Variants in MAST4 observed in about 807,000 individuals in gnomAD.
MAST4 encodes microtubule-associated serine/threonine-protein kinase 4.
In MAST4, 89 loss-of-function variants were observed where a neutral mutation model predicts 162.7. The observed-to-expected ratio is 0.55, with a 90% CI of 0.46 to 0.65. The LOEUF is 0.65. Ranked by LOEUF, MAST4 falls within the 30% of genes least tolerant of loss-of-function variation. The pLI is 0.00. For missense variants in MAST4, 3,153 were observed against 3,374.0 expected, an observed-to-expected ratio of 0.93 and a Z score of 1.62; for synonymous variants, 1,479 against 1,361.1, an observed-to-expected ratio of 1.09 and a Z score of -1.91.
At chr5:66,961,785 G>T (rs1746050348) in intron 4 of MAST4, among the ~76,000 whole-genome samples, 1 of 152,132 alleles carries the variant, frequency 6.6e-6, no homozygotes, top group Admixed American at 6.5e-5. Flanking sequence ...ACTGTACATA[G>T]ACAAAATGAT....
At chr5:67,031,583 TAA>T (rs745443057) in intron 4 of MAST4, among the ~76,000 whole-genome samples, 21 of 152,302 alleles carry the variant, frequency 1.4e-4, no homozygotes, top group Admixed American at 5.2e-4. Context: ...CATTCAAAGT[TAA>T]ACACTGAAAA....
chr5:66,837,878 ATATATATATATATATAT>A (rs1758096606), intron 3 of MAST4, among the ~76,000 whole-genome samples: 1 of 50,442 alleles, frequency 2.0e-5, no homozygotes, highest in Admixed American at 2.2e-4. Context: ...ATATATATAT[ATATATATATATATATAT>A]TTTTTTTTTT....
intron 20 of MAST4, 29 bp downstream of exon 20, chr5:67,142,266 G>T: frequency 6.2e-7 from 1 of 1,609,062 alleles, no homozygotes; most frequent in Non-Finnish European, 8.5e-7. Flanking sequence ...ATAAAACATT[G>T]TTTGGCCTTT....
At chr5:66,688,955 A>G (rs1202454186) in intron 1 of MAST4, among the ~76,000 whole-genome samples, 2 of 152,172 alleles carry the variant, frequency 1.3e-5, no homozygotes, top group Non-Finnish European at 2.9e-5. Context: ...TACATTTACA[A>G]GTATGTCTCT....
chr5:66,655,619 G>A (rs1322120957), intron 1 of MAST4, among the ~76,000 whole-genome samples: 3 of 152,150 alleles, frequency 2.0e-5, no homozygotes, highest in African/African-American at 7.2e-5. Context: ...GGCTCCCTGA[G>A]GAGAGAATAC....
chr5:66,896,744 T>G (rs1017032759), intron 3 of MAST4, among the ~76,000 whole-genome samples: 1 of 152,208 alleles, frequency 6.6e-6, no homozygotes, highest in African/African-American at 2.4e-5. Flanking sequence ...TCCCCTGTCT[T>G]CATGAATGAG....
At chr5:66,922,192 G>A (rs138959704) in intron 4 of MAST4, among the ~76,000 whole-genome samples, 274 of 152,272 alleles carry the variant, frequency 1.8e-3, no homozygotes, top group Non-Finnish European at 3.4e-3. Context: ...TTCTGGGCTC[G>A]CTGTGGAAAT....
In MAST4 at chr5:67,153,586, G is replaced by A; in HGVS notation, c.3648+6G>A. On this transcript the variant is annotated splice_donor_region_variant and intron_variant, in intron 26 of 28. Transcript: ENST00000403625. ...TTATAGAACTCCTACTGAAGGTATT[G>A]TATGTTTTATGTCAGGGCCATGCTG... 1 of 1,571,106 alleles carries A rather than the reference G, an allele frequency of 6.4e-7. No homozygotes were observed. The highest frequency in any genetic ancestry group is 8.6e-7 in the Non-Finnish European group (1 of 1,157,880).
At chr5:66,693,888 C>CA (rs1181977454) in intron 1 of MAST4, among the ~76,000 whole-genome samples, 1 of 151,714 alleles carries the variant, frequency 6.6e-6, no homozygotes, top group Admixed American at 6.6e-5. Context: ...AGTGATCACA[C>CA]AAAAAAAGCT....
At chr5:66,665,099 G>A (rs754782946) in intron 1 of MAST4, among the ~76,000 whole-genome samples, 1 of 152,208 alleles carries the variant, frequency 6.6e-6, no homozygotes, top group Non-Finnish European at 1.5e-5. Flanking sequence ...CCTCAAAACC[G>A]ATTAAAGAGG....
rs531394465 is a variant in MAST4, at chr5:67,055,890, C to T, written c.763+1398C>T. On this transcript the variant is annotated intron_variant, in intron 5 of 28. Transcript: ENST00000403625. The stretch of plus-strand genomic sequence containing the variant: ...AAGAAGTGAACACTACTCAGATTTG[C>T]GTGGATGAAACTCAAATATATTGTT... Among the ~76,000 whole-genome samples, 54 of 151,926 alleles carry T rather than the reference C, an allele frequency of 3.6e-4. 1 individual carries two copies. The South Asian group carries it at 7.3e-3, about 20-fold the overall frequency.
At chr5:66,605,038 A>G (rs1042156135) in intron 1 of MAST4, among the ~76,000 whole-genome samples, 2 of 152,246 alleles carry the variant, frequency 1.3e-5, no homozygotes, top group African/African-American at 4.8e-5. Context: ...TTTGTGTATA[A>G]AAGTTCAACA....
intron 3 of MAST4, 43 bp downstream of exon 3, chr5:66,788,837 A>G: frequency 6.6e-7 from 1 of 1,506,992 alleles, no homozygotes. Flanking sequence ...CCAGCTCACC[A>G]CCTCTCTAGG....
intron 3 of MAST4, among the ~76,000 whole-genome samples, chr5:66,810,559 C>A (rs1200066026): frequency 1.3e-5 from 2 of 152,164 alleles, no homozygotes; most frequent in African/African-American, 4.8e-5. Flanking sequence ...GAAATTTATT[C>A]TAGCTGTGTC....
chr5:66,963,229 T>C (rs965056554), intron 4 of MAST4, among the ~76,000 whole-genome samples: 1 of 152,198 alleles, frequency 6.6e-6, no homozygotes, highest in Non-Finnish European at 1.5e-5. Context: ...TTAGATAAAA[T>C]ATTGGGTCTT....
intron 26 of MAST4, among the ~76,000 whole-genome samples, chr5:67,158,521 T>C (rs1772812749): frequency 6.6e-6 from 1 of 151,764 alleles, no homozygotes; most frequent in African/African-American, 2.4e-5. Flanking sequence ...TGGTGAGCTG[T>C]GATCACACCA....
At chr5:66,853,059 A>G (rs1208103785) in intron 3 of MAST4, among the ~76,000 whole-genome samples, 1 of 152,186 alleles carries the variant, frequency 6.6e-6, no homozygotes, top group Non-Finnish European at 1.5e-5. Flanking sequence ...TTTTCCTCCC[A>G]TATATTCTGG....
At chr5:66,745,804 T>G (rs990752176) in intron 1 of MAST4, among the ~76,000 whole-genome samples, 24 of 152,350 alleles carry the variant, frequency 1.6e-4, no homozygotes, top group African/African-American at 5.3e-4. Context: ...TCTTTTCTGT[T>G]TTCTAGCTTT....
intron 4 of MAST4, among the ~76,000 whole-genome samples, chr5:66,950,656 GGT>G (rs1461231377): frequency 6.6e-6 from 1 of 152,012 alleles, no homozygotes; most frequent in Non-Finnish European, 1.5e-5. Context: ...CTATTGTATG[GGT>G]AATACCACAT....
Sources: allele counts gnomAD v4.1 joint callset (sites outside exome capture counted in the v4.1 genomes callset), GRCh38; gene constraint gnomAD v4.1.1; transcripts MANE v1.5; gene names NCBI Gene and HGNC (gene_info 2026-07-23, HGNC 2026-07-21).